CNBD1: variants seen among roughly 807,000 people sequenced by gnomAD.
The protein encoded by CNBD1 is cyclic nucleotide binding domain containing 1.
Under a neutral mutation model 54.4 loss-of-function variants are expected in CNBD1, and 71 were observed. The ratio of observed to expected loss-of-function variants is 1.30; its 90% CI spans 1.08 to 1.59. The LOEUF is 1.59. Among genes scored for constraint, CNBD1 ranks in the 40% most tolerant of loss-of-function variants. The pLI is 0.00. For missense variants in CNBD1, 659 were observed against 518.0 expected (o/e 1.27, Z -2.64); for synonymous variants, 182 against 170.7 (o/e 1.07, Z -0.51).
chr8:87,056,735 C>A (rs1810424237), intron 4 of CNBD1, among the ~76,000 whole-genome samples: 4 of 151,918 alleles, frequency 2.6e-5, no homozygotes, highest in Admixed American at 2.6e-4. Context: ...TTATATAATA[C>A]TTCTAATTAG....
intron 4 of CNBD1, among the ~76,000 whole-genome samples, chr8:87,104,462 G>C (rs1236548669): frequency 6.6e-6 from 1 of 152,186 alleles, no homozygotes; most frequent in Non-Finnish European, 1.5e-5. Context: ...GCCAGATTCT[G>C]GCAGGACTTG....
chr8:87,428,448 T>C (rs1808087034), intron 2 of CNBD1: 2 of 310,258 alleles, frequency 6.4e-6, no homozygotes, highest in African/African-American at 4.5e-5. Context: ...TTTTGTCTAC[T>C]ATTTTGAAAT....
chr8:87,190,933 A>ATAGGTACATGTATCTATATCTATT (rs1228232040), intron 4 of CNBD1, among the ~76,000 whole-genome samples: 7 of 149,388 alleles, frequency 4.7e-5, no homozygotes, highest in Non-Finnish European at 9.0e-5. Context: ...CTATTTAGAT[A>ATAGGTACATGTATCTATATCTATT]TAGATATAGA....
At chr8:86,870,433 G>A (rs1363071568) in intron 1 of CNBD1, among the ~76,000 whole-genome samples, 2 of 151,798 alleles carry the variant, frequency 1.3e-5, no homozygotes, top group East Asian at 1.9e-4. Context: ...TCCTGACCTC[G>A]TGATCCACCC....
chr8:87,386,168 CAG>C (rs1586069979), downstream of CNBD1, among the ~76,000 whole-genome samples: 1 of 152,020 alleles, frequency 6.6e-6, no homozygotes, highest in South Asian at 2.1e-4. Context: ...GGGGAAAAAA[CAG>C]AGCAAAAAAA....
At chr8:87,239,054 C>T (rs1807636793) in intron 6 of CNBD1, among the ~76,000 whole-genome samples, 1 of 152,148 alleles carries the variant, frequency 6.6e-6, no homozygotes, top group Admixed American at 6.6e-5. Flanking sequence ...TGGTCAGAGA[C>T]TACCAGTACT....
chr8:87,032,411 A>G (rs1034130025), intron 4 of CNBD1, among the ~76,000 whole-genome samples: 1 of 152,222 alleles, frequency 6.6e-6, no homozygotes, highest in Non-Finnish European at 1.5e-5. Flanking sequence ...AAAGTAAGCT[A>G]GAGAAAAGAA....
Position 87,316,631 on chromosome 8 carries a change from G to C in CNBD1, c.1042+29960G>C, listed in dbSNP as rs138974695. The stretch of plus-strand genomic sequence containing the variant: ...ATAATTTCTATTACACTTTTTTTTT[G>C]CAATAGGAAACAAGTGGCCATCAAG... On this transcript the variant is annotated intron_variant, in intron 8 of 10. Transcript: ENST00000518476. Among the ~76,000 whole-genome samples, 105 of 150,914 alleles carry C rather than the reference G, an allele frequency of 7.0e-4. No individual in the cohort carries two copies. The East Asian group carries it at 0.015, about 22-fold the overall frequency.
chr8:87,063,203 C>T (rs1019149687), intron 4 of CNBD1, among the ~76,000 whole-genome samples: 1 of 152,136 alleles, frequency 6.6e-6, no homozygotes, highest in African/African-American at 2.4e-5. Context: ...AACTTAGCTA[C>T]AGAAAATACA....
intron 4 of CNBD1, among the ~76,000 whole-genome samples, chr8:87,059,617 G>A (rs1337877260): frequency 6.6e-6 from 1 of 152,158 alleles, no homozygotes; most frequent in Non-Finnish European, 1.5e-5. Context: ...GGTTGGGGAA[G>A]CCCCTTATAA....
chr8:87,100,629 C>T (rs1225293608), intron 4 of CNBD1, among the ~76,000 whole-genome samples: 3 of 152,128 alleles, frequency 2.0e-5, no homozygotes, highest in Non-Finnish European at 4.4e-5. Context: ...GCACCTACTA[C>T]CATGCCTGGC....
At chr8:86,981,913 C>G (rs1338445526) in intron 4 of CNBD1, among the ~76,000 whole-genome samples, 1 of 152,110 alleles carries the variant, frequency 6.6e-6, no homozygotes, top group Non-Finnish European at 1.5e-5. Context: ...CACAGTTGTA[C>G]TCTGGGTTAA....
chr8:87,204,875 A>G (rs1813937236), intron 4 of CNBD1, among the ~76,000 whole-genome samples: 2 of 152,184 alleles, frequency 1.3e-5, no homozygotes, highest in Admixed American at 6.5e-5. Context: ...GCATCTGAAG[A>G]ACAAATTTGT....
downstream of CNBD1, among the ~76,000 whole-genome samples, chr8:87,385,513 C>T (rs1423324974): frequency 6.6e-6 from 1 of 152,092 alleles, no homozygotes; most frequent in Non-Finnish European, 1.5e-5. Context: ...CGGATCCTTG[C>T]TCATTGCTAG....
In CNBD1 at chr8:87,286,581, C is replaced by T. The variant is rs367632667; in HGVS notation, c.952C>T (p.Arg318Cys). Reference protein sequence around the residue: ...LENMQKLKLIRMCPYYEEWPT... With the variant: ...LENMQKLKLICMCPYYEEWPT... ...AAATATGCAAAAGTTGAAATTAATCCGTATGTGTCCTTATTATGAGGAATG... is the reference window on the plus strand; with the variant it reads ...AAATATGCAAAAGTTGAAATTAATCTGTATGTGTCCTTATTATGAGGAATG... Residue 318 changes from arginine (R) to cysteine (C), a missense_variant, in exon 8 of 11, where the codon CGT (arginine) becomes TGT (cysteine). By Grantham distance (180) the Arg-to-Cys change is radical (BLOSUM62 -3). Transcript: ENST00000518476. The T allele has an allele frequency of 2.0e-5, 29 of 1,462,986 alleles. No individual in the cohort carries two copies. Among genetic ancestry groups the T allele is most frequent in the East Asian group, 1.5e-4 (6 of 41,346 alleles). 90.6% of individuals were successfully genotyped at this position (1,462,986 alleles called of 1,614,324 possible).
At chr8:87,423,878 A>G (rs1188979592) in intron 2 of CNBD1, among the ~76,000 whole-genome samples, 1 of 152,200 alleles carries the variant, frequency 6.6e-6, no homozygotes, top group African/African-American at 2.4e-5. Context: ...TACCTCTGGT[A>G]GAATTTGGCT....
At chr8:87,323,391 T>C (rs1586012715) in intron 8 of CNBD1, among the ~76,000 whole-genome samples, 5 of 139,278 alleles carry the variant, frequency 3.6e-5, no homozygotes, top group East Asian at 2.0e-4. Context: ...TAAATTACCT[T>C]GGGCAGTACG....
At position 87,069,249 on chromosome 8, in the gene CNBD1, C is replaced by T. The variant is rs200827057; in HGVS notation, c.431+129495C>T. Among the ~76,000 whole-genome samples, 27 of 152,104 alleles carry T rather than the reference C, an allele frequency of 1.8e-4. No homozygotes were observed. In the East Asian group the frequency reaches 5.0e-3, roughly 28 times the overall value. ...CTGTTGTTACTGTTTTGAAAAGTAA[C>T]TTGAATAATTATGACCAGGAAATTT... On this transcript the variant is annotated intron_variant, in intron 4 of 10. Transcript: ENST00000518476.
intron 4 of CNBD1, among the ~76,000 whole-genome samples, chr8:87,089,418 A>G (rs767419848): frequency 5.9e-5 from 9 of 152,128 alleles, no homozygotes; most frequent in Non-Finnish European, 1.3e-4. Flanking sequence ...GCAAGAGATA[A>G]TAAATTCAGT....
Sources: gnomAD v4.1 joint callset for allele counts (sites outside exome capture counted in the v4.1 genomes callset) on GRCh38, gnomAD v4.1.1 for gene constraint, MANE v1.5 for transcripts, NCBI Gene and HGNC (gene_info 2026-07-23, HGNC 2026-07-21) for gene names.